Variants in CDH12 observed in about 807,000 individuals in gnomAD.
CDH12 encodes the protein cadherin 12, also known as cadherin-12.
In CDH12, 41 loss-of-function variants were observed where a neutral mutation model predicts 74.1. The ratio of observed to expected loss-of-function variants is 0.55; its 90% CI spans 0.43 to 0.72. The LOEUF is 0.72. Ranked by LOEUF, CDH12 falls within the 30% of genes least tolerant of loss-of-function variation. The probability of loss-of-function intolerance (pLI) is 0.00; values close to 1 mark genes in which losing one functional copy is unlikely to be tolerated. For missense variants in CDH12, 945 were observed against 977.2 expected (o/e 0.97, Z 0.44); for synonymous variants, 399 against 355.0 (o/e 1.12, Z -1.39).
intron 2 of CDH12, among the ~76,000 whole-genome samples, chr5:22,469,429 A>G (rs1561428022): frequency 1.3e-5 from 2 of 152,126 alleles, no homozygotes; most frequent in Non-Finnish European, 1.5e-5. Flanking sequence ...TTCTCCCTGT[A>G]TCTTTTAAAA....
chr5:22,632,801 T>C (rs1222539817), intron 1 of CDH12, among the ~76,000 whole-genome samples: 1 of 151,814 alleles, frequency 6.6e-6, no homozygotes, highest in African/African-American at 2.4e-5. Context: ...AAAATATTAA[T>C]CTCTGCCACC....
chr5:22,831,036 C>T (rs553476336), intron 1 of CDH12, among the ~76,000 whole-genome samples: 1 of 151,896 alleles, frequency 6.6e-6, no homozygotes, highest in South Asian at 2.1e-4. Flanking sequence ...CCTATTGTAT[C>T]CTATATTCTG....
intron 9 of CDH12, among the ~76,000 whole-genome samples, chr5:21,813,932 C>A (rs1224190929): frequency 1.3e-5 from 2 of 152,092 alleles, no homozygotes; most frequent in African/African-American, 4.8e-5. Context: ...TCCTGACGTC[C>A]TCAGTTGAAT....
chr5:22,156,096 T>A, intron 4 of CDH12, among the ~76,000 whole-genome samples: 1 of 152,188 alleles, frequency 6.6e-6, no homozygotes, highest in East Asian at 1.9e-4. Context: ...AATATTCTAT[T>A]CCTGTTTTCA....
At chr5:21,813,068 C>T (rs940274982) in intron 9 of CDH12, among the ~76,000 whole-genome samples, 7 of 152,294 alleles carry the variant, frequency 4.6e-5, no homozygotes, top group South Asian at 2.1e-4. Context: ...TGTACCATCA[C>T]GTTCCACATT....
At chr5:22,063,251 T>C (rs2150208162) in intron 5 of CDH12, among the ~76,000 whole-genome samples, 1 of 152,284 alleles carries the variant, frequency 6.6e-6, no homozygotes, top group African/African-American at 2.4e-5. Flanking sequence ...TGAAATTTTA[T>C]TGCCACTGCC....
intron 10 of CDH12, among the ~76,000 whole-genome samples, chr5:21,791,934 G>A (rs1460142051): frequency 2.6e-5 from 4 of 151,852 alleles, no homozygotes; most frequent in Non-Finnish European, 4.4e-5. Context: ...TCAACTACAT[G>A]TGTAAAAGGA....
chr5:22,420,644 C>T (rs1001681348), intron 2 of CDH12, among the ~76,000 whole-genome samples: 8 of 151,944 alleles, frequency 5.3e-5, no homozygotes, highest in East Asian at 1.9e-4. Context: ...AAGATTGTCT[C>T]GGCTATACAG....
intron 1 of CDH12, among the ~76,000 whole-genome samples, chr5:22,702,725 A>G (rs1438886739): frequency 6.6e-6 from 1 of 151,996 alleles, no homozygotes; most frequent in Non-Finnish European, 1.5e-5. Context: ...TGATAACAAT[A>G]ATAAAAAAAA....
chr5:21,756,035 A>G (rs1447486703), intron 13 of CDH12, among the ~76,000 whole-genome samples, 193 bp from the exon 14 acceptor site: 1 of 152,202 alleles, frequency 6.6e-6, no homozygotes, highest in East Asian at 1.9e-4. Context: ...ACAAACATTA[A>G]TCTTGTCTGA....
At chr5:22,102,164 A>C (rs1445071068) in intron 4 of CDH12, among the ~76,000 whole-genome samples, 1 of 152,144 alleles carries the variant, frequency 6.6e-6, no homozygotes, top group Non-Finnish European at 1.5e-5. Context: ...ATGTTTGTTT[A>C]ATTTTTTCCC....
chr5:22,474,858 T>C (rs1389487538), intron 2 of CDH12, among the ~76,000 whole-genome samples: 1 of 152,004 alleles, frequency 6.6e-6, no homozygotes, highest in African/African-American at 2.4e-5. Context: ...ATAGTACAAA[T>C]AAAGAATCAC....
At chr5:22,513,272 G>A (rs1736683308) in intron 1 of CDH12, among the ~76,000 whole-genome samples, 1 of 151,998 alleles carries the variant, frequency 6.6e-6, no homozygotes, top group African/African-American at 2.4e-5. Context: ...GGGGATATCT[G>A]CAGATGGCCA....
chr5:22,486,954 G>T (rs903567297), intron 2 of CDH12, among the ~76,000 whole-genome samples: 3 of 152,120 alleles, frequency 2.0e-5, no homozygotes, highest in African/African-American at 7.2e-5. Flanking sequence ...CTAACTTAGG[G>T]GTCAGAGAGC....
chr5:22,563,886 A>T (rs1739176249), intron 1 of CDH12, among the ~76,000 whole-genome samples: 1 of 152,124 alleles, frequency 6.6e-6, no homozygotes, highest in South Asian at 2.1e-4. Context: ...TGTGAGACCC[A>T]TTCACTAGAG....
At chr5:21,784,945 T>C (rs909448936) in intron 10 of CDH12, among the ~76,000 whole-genome samples, 2 of 152,158 alleles carry the variant, frequency 1.3e-5, no homozygotes, top group Non-Finnish European at 2.9e-5. Context: ...CGTACTTCAC[T>C]CCTATTGCCG....
chr5:22,197,167 G>C (rs1330866097), intron 4 of CDH12, among the ~76,000 whole-genome samples: 1 of 152,044 alleles, frequency 6.6e-6, no homozygotes. Context: ...AAGAATAGCC[G>C]GGTGCAGCGG....
chr5:22,226,809 A>G (rs1018420578), intron 3 of CDH12, among the ~76,000 whole-genome samples: 5 of 152,124 alleles, frequency 3.3e-5, no homozygotes, highest in African/African-American at 1.2e-4. Context: ...CATAATATAT[A>G]AATGTATATT....
At chr5:22,293,144 C>T (rs1357757458) in intron 3 of CDH12, among the ~76,000 whole-genome samples, 1 of 152,152 alleles carries the variant, frequency 6.6e-6, no homozygotes, top group African/African-American at 2.4e-5. Context: ...GCTCTTCCTG[C>T]TGCTGTAGCC....
Sources: allele counts gnomAD v4.1 joint callset (sites outside exome capture counted in the v4.1 genomes callset), GRCh38; gene constraint gnomAD v4.1.1; transcripts MANE v1.5; gene names NCBI Gene and HGNC (gene_info 2026-07-23, HGNC 2026-07-21).